Variants in CCDC68 observed in about 807,000 individuals in gnomAD.
CCDC68 encodes the protein coiled-coil domain containing 68.
Under a neutral mutation model 47.1 loss-of-function variants are expected in CCDC68, and 45 were observed. The observed-to-expected ratio is 0.96, with a 90% CI of 0.75 to 1.23. CCDC68 has a LOEUF of 1.23. Ranked by LOEUF, CCDC68 falls within the 50% of genes most tolerant of loss-of-function variation. The probability of loss-of-function intolerance (pLI) is 0.00; values close to 1 mark genes in which losing one functional copy is unlikely to be tolerated. For synonymous variants in CCDC68, 131 were observed against 129.5 expected (o/e 1.01, Z -0.08); for missense variants, 353 against 373.6 (o/e 0.94, Z 0.45).
At position 54,919,325 on chromosome 18, in the gene CCDC68, A is replaced by C. The variant is rs1247063772; in HGVS notation, c.735T>G (p.His245Gln). Reference sequence around the variant, plus strand: ...GTTGGGAGTGAATCACAAACTGCAGATGAGAGATCTGCTCCTGGAGAATGG... The same window carrying C: ...GTTGGGAGTGAATCACAAACTGCAGCTGAGAGATCTGCTCCTGGAGAATGG... ...EISILQEQIS[H>Q]LQFVIHSQHQ... The change falls in exon 9 of 12, where the codon CAT (histidine) becomes CAG (glutamine). Residue 245 changes from histidine (H) to glutamine (Q), a missense_variant. Coordinates refer to ENST00000591504, the MANE Select transcript of CCDC68 (RefSeq NM_025214.3). The C allele has an allele frequency of 6.2e-7, 1 of 1,613,986 alleles. No individual in the cohort carries two copies. Among genetic ancestry groups the C allele is most frequent in the Non-Finnish European group, 8.5e-7 (1 of 1,179,978 alleles).
intron 9 of CCDC68, among the ~76,000 whole-genome samples, chr18:54,918,536 A>C (rs2043995129): frequency 1.3e-5 from 2 of 152,304 alleles, no homozygotes; most frequent in South Asian, 4.1e-4. Context: ...CTGTCATTAA[A>C]CTGCTCTATA....
At chr18:54,944,116 T>C (rs976637087) in intron 2 of CCDC68, among the ~76,000 whole-genome samples, 152 of 152,100 alleles carry the variant, frequency 1.0e-3, no homozygotes, top group African/African-American at 3.6e-3. Flanking sequence ...CTTTAAATAA[T>C]ATATATTCTA....
intron 7 of CCDC68, among the ~76,000 whole-genome samples, chr18:54,929,727 G>A (rs1005526123): frequency 2.6e-5 from 4 of 152,144 alleles, no homozygotes; most frequent in African/African-American, 4.8e-5. Flanking sequence ...ATTACTTCCC[G>A]CTGCAGCATC....
chr18:54,909,650 G>A (rs531676241), intron 10 of CCDC68, among the ~76,000 whole-genome samples: 4 of 152,312 alleles, frequency 2.6e-5, no homozygotes, highest in African/African-American at 9.6e-5. Context: ...TGTGGGGTCC[G>A]GCCACTGTGT....
At chr18:54,950,018 G>A (rs1360674714) in intron 1 of CCDC68, among the ~76,000 whole-genome samples, 1 of 152,152 alleles carries the variant, frequency 6.6e-6, no homozygotes, top group Admixed American at 6.5e-5. Flanking sequence ...CCTAGCATAT[G>A]AGATCCTCCC....
At chr18:54,937,135 A>C in intron 5 of CCDC68, 177 bp from the exon 6 acceptor site, 1 of 612,360 alleles carries the variant, frequency 1.6e-6, no homozygotes, top group Non-Finnish European at 2.8e-6. Flanking sequence ...AAAATGAGAA[A>C]CTCCCTATTT....
chr18:54,904,718 C>T (rs1377576749), intron 11 of CCDC68, among the ~76,000 whole-genome samples: 2 of 152,130 alleles, frequency 1.3e-5, no homozygotes, highest in African/African-American at 2.4e-5. Flanking sequence ...TGAAGACATT[C>T]CCCAGAGTGA....
chr18:54,919,480 AT>A, intron 8 of CCDC68, 104 bp from the exon 9 acceptor site: 1 of 941,420 alleles, frequency 1.1e-6, no homozygotes, highest in South Asian at 1.4e-5. Flanking sequence ...GCTACTGGGG[AT>A]CAGTTGGGTA....
rs2044129435 is a variant in CCDC68, at chr18:54,925,486, C to T, written c.683+3314G>A. Among the ~76,000 whole-genome samples the T allele has an allele frequency of 2.0e-5, 3 of 151,966 alleles. No homozygotes were observed. The South Asian group carries it at 6.2e-4, about 32-fold the overall frequency. ...AAGATGTTGATGAGAATGAAAATTC[C>T]AGAAGAAGCCAAAAGAACTAGGTGC... On this transcript the variant is annotated intron_variant, in intron 8 of 11. Coordinates refer to ENST00000591504, the MANE Select transcript of CCDC68 (RefSeq NM_025214.3).
intron 4 of CCDC68, among the ~76,000 whole-genome samples, chr18:54,940,006 A>T (rs1189309924): frequency 6.6e-6 from 1 of 151,848 alleles, no homozygotes; most frequent in Admixed American, 6.6e-5. Flanking sequence ...TTTTCCTCCT[A>T]ATCCACCAGC....
chr18:54,928,306 G>A (rs1568145476), intron 8 of CCDC68, among the ~76,000 whole-genome samples: 1 of 152,124 alleles, frequency 6.6e-6, no homozygotes, highest in Non-Finnish European at 1.5e-5. Context: ...TTATAAGTAA[G>A]TCCAAAGGAC....
rs1379734612 is a variant in CCDC68 at position 54,912,248 on chromosome 18, T to C, written c.874-4386A>G. On this transcript the variant is annotated intron_variant, in intron 10 of 11. Transcript: ENST00000591504. ...GAAGAAACTAGAAATGCAAGAAATA[T>C]AAGATGAGTGTCAGAGCTGTAAATT... 5.3e-5 allele frequency among the ~76,000 whole-genome samples: 8 copies of C among 152,086 alleles called. No individual in the cohort carries two copies. In the East Asian group the frequency reaches 1.4e-3, roughly 26 times the overall value.
intron 11 of CCDC68, among the ~76,000 whole-genome samples, chr18:54,905,205 G>A (rs551482814): frequency 6.6e-6 from 1 of 151,862 alleles, no homozygotes; most frequent in Non-Finnish European, 1.5e-5. Context: ...GATGAGCTAT[G>A]ATTGCACTGC....
intron 10 of CCDC68, among the ~76,000 whole-genome samples, chr18:54,909,683 A>G (rs1914236116): frequency 6.6e-6 from 1 of 152,228 alleles, no homozygotes. Context: ...GCCGACTGCT[A>G]CAGTGGGGCA....
chr18:54,929,116 G>T (rs1006423935), intron 7 of CCDC68, among the ~76,000 whole-genome samples: 7 of 152,108 alleles, frequency 4.6e-5, no homozygotes, highest in African/African-American at 1.7e-4. Flanking sequence ...GACTTCTTCT[G>T]CTCCTCCTCC....
At chr18:54,939,648 T>G (rs192463005) in intron 4 of CCDC68, among the ~76,000 whole-genome samples, 157 of 152,240 alleles carry the variant, frequency 1.0e-3, no homozygotes, top group African/African-American at 3.6e-3. Context: ...TCGTCACCAT[T>G]CCTAAGAAGC....
At chr18:54,929,219 C>A (rs1034554269) in intron 7 of CCDC68, among the ~76,000 whole-genome samples, 9 of 152,204 alleles carry the variant, frequency 5.9e-5, no homozygotes, top group African/African-American at 2.2e-4. Flanking sequence ...TCTCGCTAGA[C>A]CCTGGCTCTC....
At position 54,938,107 on chromosome 18, in the gene CCDC68, A is replaced by G. The variant is rs755080410; in HGVS notation, c.205-10T>C. 1.9e-6 allele frequency: 3 copies of G among 1,604,676 alleles called. No individual in the cohort carries two copies. Among genetic ancestry groups the G allele is most frequent in the Admixed American group, 3.5e-5 (2 of 57,800 alleles). On this transcript the variant is annotated splice_polypyrimidine_tract_variant and intron_variant, in intron 4 of 11. Coordinates refer to ENST00000591504, the MANE Select transcript of CCDC68 (RefSeq NM_025214.3). The stretch of plus-strand genomic sequence containing the variant: ...GAAGGTTTCCACAGTGCTGAAACGG[A>G]CAAATGAAAATCATAGACCTGACTA...
intron 10 of CCDC68, among the ~76,000 whole-genome samples, chr18:54,915,867 T>A (rs1476538233): frequency 1.3e-5 from 2 of 152,106 alleles, no homozygotes; most frequent in Non-Finnish European, 2.9e-5. Context: ...AGGCAGAGGT[T>A]GCAGTGAGCC....
Sources: gnomAD v4.1 joint callset for allele counts (sites outside exome capture counted in the v4.1 genomes callset) on GRCh38, gnomAD v4.1.1 for gene constraint, MANE v1.5 for transcripts, NCBI Gene and HGNC (gene_info 2026-07-23, HGNC 2026-07-21) for gene names.